The following POU6F2 variants were observed in gnomAD, a reference collection of about 807,000 sequenced individuals.
The protein encoded by POU6F2 is POU domain, class 6, transcription factor 2.
A neutral mutation model predicts 71.3 loss-of-function variants in POU6F2; 31 were observed. The observed-to-expected ratio is 0.43, with a 90% confidence interval of 0.33 to 0.59. POU6F2 has a LOEUF of 0.59. Ranked by LOEUF, POU6F2 falls within the 20% of genes least tolerant of loss-of-function variation. The probability of loss-of-function intolerance (pLI) is 0.04; values close to 1 mark genes in which losing one functional copy is unlikely to be tolerated. For synonymous variants in POU6F2, 347 were observed against 355.7 expected, an observed-to-expected ratio of 0.98 and a Z score of 0.27; for missense variants, 783 against 856.8, an observed-to-expected ratio of 0.91 and a Z score of 1.07.
At chr7:39,225,010 C>T (rs1016997563) in intron 4 of POU6F2, among the ~76,000 whole-genome samples, 2 of 152,214 alleles carry the variant, frequency 1.3e-5, no homozygotes, top group Non-Finnish European at 2.9e-5. Context: ...CCAACCACTT[C>T]TCACTTGAAA....
At chr7:39,347,280 C>G (rs1278250689) in intron 5 of POU6F2, among the ~76,000 whole-genome samples, 2 of 152,080 alleles carry the variant, frequency 1.3e-5, no homozygotes, top group Non-Finnish European at 2.9e-5. Flanking sequence ...GAACAAAAAG[C>G]AAATAGTCAC....
At chr7:39,025,986 G>A (rs1040919025) in intron 1 of POU6F2, among the ~76,000 whole-genome samples, 3 of 152,152 alleles carry the variant, frequency 2.0e-5, no homozygotes, top group Non-Finnish European at 2.9e-5. Context: ...GCAGCCAAAA[G>A]ACACATGAAA....
intron 2 of POU6F2, among the ~76,000 whole-genome samples, chr7:39,099,241 A>AT (rs1463889569): frequency 6.6e-6 from 1 of 152,240 alleles, no homozygotes; most frequent in African/African-American, 2.4e-5. Flanking sequence ...TTTAAAAATA[A>AT]TGTTGGCCTT....
chr7:39,195,634 C>T (rs1793773149), intron 2 of POU6F2, among the ~76,000 whole-genome samples: 1 of 151,366 alleles, frequency 6.6e-6, no homozygotes, highest in Non-Finnish European at 1.5e-5. Context: ...CCATGTGGGG[C>T]CACTTGGTTA....
intron 2 of POU6F2, among the ~76,000 whole-genome samples, chr7:39,199,267 G>A (rs767627494): frequency 8.5e-5 from 13 of 152,152 alleles, no homozygotes; most frequent in East Asian, 1.9e-4. Context: ...TGCCCTGGCC[G>A]TCATATCCTC....
At chr7:39,001,565 G>A (rs1307772560) in intron 1 of POU6F2, among the ~76,000 whole-genome samples, 2 of 152,206 alleles carry the variant, frequency 1.3e-5, no homozygotes, top group Non-Finnish European at 2.9e-5. Flanking sequence ...TTTAGATGAG[G>A]ATATGTGGGA....
chr7:39,147,132 T>C (rs1792640477), intron 2 of POU6F2, among the ~76,000 whole-genome samples: 1 of 152,314 alleles, frequency 6.6e-6, no homozygotes, highest in African/African-American at 2.4e-5. Context: ...TCAAATTCTT[T>C]ATTTTCTTTT....
intron 2 of POU6F2, among the ~76,000 whole-genome samples, chr7:39,117,670 G>A (rs1214048997): frequency 1.4e-4 from 21 of 152,144 alleles, no homozygotes; most frequent in Admixed American, 1.3e-3. Context: ...AGAGCCACTG[G>A]TCCCCTCAGG....
At chr7:39,306,698 G>A (rs950164133) in intron 4 of POU6F2, among the ~76,000 whole-genome samples, 4 of 152,192 alleles carry the variant, frequency 2.6e-5, no homozygotes, top group Admixed American at 1.3e-4. Context: ...GGCCAGGAAT[G>A]TAGGATTTCT....
chr7:39,129,879 C>T (rs1348655091), intron 2 of POU6F2, among the ~76,000 whole-genome samples: 6 of 151,704 alleles, frequency 4.0e-5, no homozygotes, highest in Middle Eastern at 3.2e-3. Flanking sequence ...CTGGCTAACA[C>T]GGTGTGAAAT....
At chr7:39,427,461 TG>T (rs1787997608) in intron 6 of POU6F2, among the ~76,000 whole-genome samples, 1 of 152,318 alleles carries the variant, frequency 6.6e-6, no homozygotes, top group South Asian at 2.1e-4. Flanking sequence ...TTGTTATTGC[TG>T]TTTAAATAAC....
At chr7:39,083,479 T>G (rs1050604790) in intron 1 of POU6F2, 1 of 152,116 alleles carries the variant, frequency 6.6e-6, no homozygotes, top group Non-Finnish European at 1.5e-5. Flanking sequence ...GGTCAACCAA[T>G]GAGCGTTGTT....
At chr7:39,188,242 C>T (rs1296026252) in intron 2 of POU6F2, among the ~76,000 whole-genome samples, 1 of 152,174 alleles carries the variant, frequency 6.6e-6, no homozygotes, top group Non-Finnish European at 1.5e-5. Flanking sequence ...TATCAAAAAT[C>T]ACACAGGCAG....
intron 4 of POU6F2, among the ~76,000 whole-genome samples, chr7:39,319,415 T>A (rs989943099): frequency 7.3e-6 from 1 of 136,496 alleles, no homozygotes; most frequent in Admixed American, 7.5e-5. Context: ...TTCTGGGGGA[T>A]GGTATTGTGG....
Position 39,150,225 on chromosome 7 carries a change from C to CTGTGTGTGTGTGTGTGTGTG in POU6F2, c.278-53994_278-53975dup, listed in dbSNP as rs60761447. ...CCTTTTTTAAGGCTGAGTAATATGT[C>CTGTGTGTGTGTGTGTGTGTG]TGTGTGTGTGTGTGTGTGTGTGTGT... On this transcript the variant is annotated intron_variant, in intron 2 of 9. Coordinates refer to ENST00000518318, the MANE Select transcript of POU6F2 (RefSeq NM_001370959.1). Among the ~76,000 whole-genome samples the CTGTGTGTGTGTGTGTGTGTG allele has an allele frequency of 4.5e-3, 637 of 141,212 alleles. 9 individuals are homozygous for CTGTGTGTGTGTGTGTGTGTG. Among genetic ancestry groups the CTGTGTGTGTGTGTGTGTGTG allele is most frequent in the African/African-American group, 0.016 (592 of 37,072 alleles). 92.6% of individuals were successfully genotyped at this position (141,212 alleles called of 152,430 possible). A position where few individuals can be genotyped will look rare whatever the true frequency, so the allele number is the denominator to read the frequency against.
intron 4 of POU6F2, among the ~76,000 whole-genome samples, chr7:39,303,645 C>T (rs967661450): frequency 2.0e-5 from 3 of 152,156 alleles, no homozygotes; most frequent in African/African-American, 7.2e-5. Context: ...CACTTCCTTC[C>T]TTCAGTCAAT....
chr7:39,377,143 T>C (rs969356062), intron 5 of POU6F2, among the ~76,000 whole-genome samples: 1 of 149,862 alleles, frequency 6.7e-6, no homozygotes, highest in Non-Finnish European at 1.5e-5. Context: ...ATATATATAT[T>C]TTTTTGAGAT....
intron 2 of POU6F2, among the ~76,000 whole-genome samples, chr7:39,171,194 C>G (rs1393289672): frequency 3.3e-5 from 5 of 151,886 alleles, no homozygotes; most frequent in Non-Finnish European, 7.4e-5. Context: ...CTCCCCTTTA[C>G]CCCATCCCCC....
chr7:38,988,331 G>A (rs1485000151), intron 1 of POU6F2, among the ~76,000 whole-genome samples: 1 of 151,908 alleles, frequency 6.6e-6, no homozygotes, highest in Non-Finnish European at 1.5e-5. Context: ...TGGAGCTTGG[G>A]TATTAGTATT....
Sources: gnomAD v4.1 joint callset for allele counts (sites outside exome capture counted in the v4.1 genomes callset) on GRCh38, gnomAD v4.1.1 for gene constraint, MANE v1.5 for transcripts, NCBI Gene and HGNC (gene_info 2026-07-23, HGNC 2026-07-21) for gene names.